Variants in VWA8 observed in about 807,000 individuals in gnomAD.
VWA8 encodes von Willebrand factor A domain-containing protein 8.
A neutral mutation model predicts 241.5 loss-of-function variants in VWA8; 221 were observed. The ratio of observed to expected loss-of-function variants is 0.91; its 90% confidence interval spans 0.82 to 1.02. VWA8 has a LOEUF of 1.02. VWA8 is among the 50% of genes least tolerant of loss of function. The probability of loss-of-function intolerance (pLI) is 0.00; values close to 1 mark genes in which losing one functional copy is unlikely to be tolerated. For missense variants in VWA8, 2,322 were observed against 2,328.7 expected, an observed-to-expected ratio of 1.00 and a Z score of 0.06; for synonymous variants, 852 against 827.1, an observed-to-expected ratio of 1.03 and a Z score of -0.52.
At chr13:41,769,430 T>G (rs1483845918) in intron 20 of VWA8, among the ~76,000 whole-genome samples, 1 of 152,236 alleles carries the variant, frequency 6.6e-6, no homozygotes, top group Non-Finnish European at 1.5e-5. Context: ...AAAATGCTTA[T>G]TAATCATTGA....
At chr13:41,840,849 A>T (rs892900712) in intron 12 of VWA8, among the ~76,000 whole-genome samples, 1 of 152,186 alleles carries the variant, frequency 6.6e-6, no homozygotes, top group Non-Finnish European at 1.5e-5. Context: ...AAATTGAGAA[A>T]AATTTGTTTC....
chr13:41,924,631 A>C (rs1200146244), intron 2 of VWA8, among the ~76,000 whole-genome samples: 1 of 152,198 alleles, frequency 6.6e-6, no homozygotes, highest in Non-Finnish European at 1.5e-5. Flanking sequence ...GCTGAGGTCC[A>C]GAATTCCTAG....
intron 37 of VWA8, among the ~76,000 whole-genome samples, chr13:41,656,974 C>T (rs1219801565): frequency 1.3e-5 from 2 of 152,218 alleles, no homozygotes; most frequent in Admixed American, 6.5e-5. Context: ...TCAGTCCCTT[C>T]TCATTCCAAA....
At chr13:41,805,099 GT>G (rs1175587240) in intron 17 of VWA8, among the ~76,000 whole-genome samples, 1 of 152,116 alleles carries the variant, frequency 6.6e-6, no homozygotes, top group Non-Finnish European at 1.5e-5. Flanking sequence ...AAACTTTCCA[GT>G]CAAAAGACAG....
chr13:41,708,088 T>C (rs964423059), intron 26 of VWA8, among the ~76,000 whole-genome samples: 8 of 152,128 alleles, frequency 5.3e-5, no homozygotes, highest in Admixed American at 5.2e-4. Context: ...CCGGGTGCAG[T>C]GGCTCACGTC....
intron 7 of VWA8, 80 bp downstream of exon 7, chr13:41,886,701 A>G (rs1023508729): frequency 8.6e-7 from 1 of 1,161,932 alleles, no homozygotes; most frequent in Non-Finnish European, 1.2e-6. Flanking sequence ...TGAATGACTG[A>G]ATTAATTAAT....
chr13:41,896,195 GA>G (rs933186999), intron 4 of VWA8, among the ~76,000 whole-genome samples: 1 of 151,920 alleles, frequency 6.6e-6, no homozygotes, highest in South Asian at 2.1e-4. Flanking sequence ...CGCACTGTTG[GA>G]AAAAAATTTT....
intron 24 of VWA8, among the ~76,000 whole-genome samples, chr13:41,724,075 CTG>C (rs2045413242): frequency 6.6e-6 from 1 of 152,112 alleles, no homozygotes; most frequent in Non-Finnish European, 1.5e-5. Flanking sequence ...GAGTGACTAA[CTG>C]TATCAACTAT....
chr13:41,571,314 C>T (rs984539651), intron 43 of VWA8, among the ~76,000 whole-genome samples: 1 of 142,254 alleles, frequency 7.0e-6, no homozygotes, highest in Non-Finnish European at 1.5e-5. Context: ...CTCCCTCCTC[C>T]CTCTCCCTCT....
intron 21 of VWA8, among the ~76,000 whole-genome samples, chr13:41,748,910 A>C (rs151130795): frequency 0.021 from 3,197 of 152,334 alleles, 52 homozygotes; most frequent in Middle Eastern, 0.058. Context: ...AAAACCCTAG[A>C]AGAAAATCTA....
chr13:41,868,826 T>G (rs1873441351), intron 9 of VWA8, among the ~76,000 whole-genome samples: 1 of 144,750 alleles, frequency 6.9e-6, no homozygotes, highest in Non-Finnish European at 1.5e-5. Context: ...AGGTGGAGCT[T>G]GCAGTGAGCC....
At chr13:41,912,763 A>T (rs562477693) in intron 2 of VWA8, among the ~76,000 whole-genome samples, 1 of 152,324 alleles carries the variant, frequency 6.6e-6, no homozygotes, top group African/African-American at 2.4e-5. Context: ...ATTCTTCTAT[A>T]CCAAATTCTT....
chr13:41,697,475 C>T (rs377113692), intron 29 of VWA8, among the ~76,000 whole-genome samples: 1 of 152,126 alleles, frequency 6.6e-6, no homozygotes, highest in East Asian at 1.9e-4. Context: ...GCACCAGGGA[C>T]CAGTTTTGTG....
intron 12 of VWA8, among the ~76,000 whole-genome samples, chr13:41,861,603 A>G (rs1873009459): frequency 1.3e-5 from 2 of 152,248 alleles, no homozygotes; most frequent in African/African-American, 4.8e-5. Flanking sequence ...GTAAAGTTTC[A>G]GGATACAAAG....
intron 32 of VWA8, 47 bp downstream of exon 32, chr13:41,691,273 G>A: frequency 7.0e-6 from 11 of 1,571,524 alleles, no homozygotes; most frequent in Non-Finnish European, 9.5e-6. Context: ...TCATAAATAA[G>A]ATTGAGCTAC....
At position 41,729,671 on chromosome 13, in the gene VWA8, C is replaced by T; in HGVS notation, c.2509G>A (p.Ala837Thr). ...IVYEDSPLVKAVKLGHILVVD... is the reference protein window; with the variant it reads ...IVYEDSPLVKTVKLGHILVVD... ...ACCAGAATATGACCCAACTTTACTGCTTTAACCTTTGACGACAGAAAATTT... is the reference window on the plus strand; with the variant it reads ...ACCAGAATATGACCCAACTTTACTGTTTTAACCTTTGACGACAGAAAATTT... The change falls in exon 23 of 45, where the codon GCA becomes ACA. Residue 837 changes from alanine to threonine, a missense_variant. By Grantham distance (58) the Ala-to-Thr change is moderately conservative. Coordinates refer to ENST00000379310, the MANE Select transcript of VWA8 (RefSeq NM_015058.2). 1.2e-6 allele frequency: 2 copies of T among 1,604,486 alleles called. No individual in the cohort carries two copies. Among genetic ancestry groups the T allele is most frequent in the Non-Finnish European group, 8.5e-7 (1 of 1,177,278 alleles).
chr13:41,947,961 A>AC, intron 2 of VWA8, among the ~76,000 whole-genome samples: 1 of 148,934 alleles, frequency 6.7e-6, no homozygotes, highest in Non-Finnish European at 1.5e-5. Context: ...AAACAAAACA[A>AC]AACATTTTGG....
At chr13:41,669,017 G>C (rs77562865) in intron 37 of VWA8, among the ~76,000 whole-genome samples, 8 of 152,092 alleles carry the variant, frequency 5.3e-5, no homozygotes, top group Admixed American at 2.6e-4. Flanking sequence ...TGCCCAGGCT[G>C]GGGGGCAGTG....
At chr13:41,765,896 AAAAAAT>A (rs1485646613) in intron 20 of VWA8, among the ~76,000 whole-genome samples, 1 of 152,192 alleles carries the variant, frequency 6.6e-6, no homozygotes, top group Non-Finnish European at 1.5e-5. Flanking sequence ...GAGAGCTCCT[AAAAAAT>A]AAAAATAATC....
Sources: gnomAD v4.1 joint callset for allele counts (sites outside exome capture counted in the v4.1 genomes callset) on GRCh38, gnomAD v4.1.1 for gene constraint, MANE v1.5 for transcripts, NCBI Gene and HGNC (gene_info 2026-07-23, HGNC 2026-07-21) for gene names.